The following SETD3 variants were observed in gnomAD, a reference collection of about 807,000 sequenced individuals.
The protein encoded by SETD3 is actin-histidine N-methyltransferase.
SETD3 carries 19 observed loss-of-function variants against 63.0 expected under a neutral mutation model. That is an observed-to-expected ratio of 0.30 (90% CI 0.21 to 0.44). SETD3 has a LOEUF of 0.44. SETD3 is among the 20% of genes least tolerant of loss of function. SETD3 has a pLI of 1.00. For synonymous variants in SETD3, 286 were observed against 264.1 expected, an observed-to-expected ratio of 1.08 and a Z score of -0.80; for missense variants, 587 against 728.5, an observed-to-expected ratio of 0.81 and a Z score of 2.24.
At chr14:99,476,155 G>A (rs927367269) in intron 1 of SETD3, among the ~76,000 whole-genome samples, 2 of 152,154 alleles carry the variant, frequency 1.3e-5, no homozygotes, top group South Asian at 2.1e-4. Context: ...GAAAGCTGAC[G>A]CTTACGGAGA....
intron 9 of SETD3, 45 bp from the exon 10 acceptor site, chr14:99,405,416 G>A: frequency 6.3e-7 from 1 of 1,589,668 alleles, no homozygotes; most frequent in Non-Finnish European, 8.6e-7. Flanking sequence ...AGACAAACTT[G>A]GCATGTATTC....
intron 6 of SETD3, among the ~76,000 whole-genome samples, chr14:99,438,448 C>G (rs1893611367): frequency 6.6e-6 from 1 of 152,206 alleles, no homozygotes; most frequent in African/African-American, 2.4e-5. Context: ...TTAGAATAAG[C>G]TAGGAATTTA....
At chr14:99,474,443 C>T (rs528353566) in intron 1 of SETD3, among the ~76,000 whole-genome samples, 2 of 152,324 alleles carry the variant, frequency 1.3e-5, no homozygotes, top group East Asian at 3.9e-4. Flanking sequence ...TCAGTAACTA[C>T]TTAAGTACCA....
rs764952661 is a variant in SETD3, at chr14:99,461,354, C to T, written c.197-14G>A. On this transcript the variant is annotated splice_polypyrimidine_tract_variant and intron_variant, in intron 3 of 12. Transcript: ENST00000331768. ...TAACGGACAGACCTATATTAATCCA[C>T]GTTTTAGAAAACAAGAGCTACTTTT... is the stretch of plus-strand genomic sequence containing the variant. The T allele has an allele frequency of 5.6e-6, 9 of 1,604,532 alleles. No homozygotes were observed. Among genetic ancestry groups the T allele is most frequent in the South Asian group, 3.4e-5 (3 of 88,888 alleles).
chr14:99,461,072 G>T, intron 4 of SETD3, 120 bp downstream of exon 4: 1 of 1,223,696 alleles, frequency 8.2e-7, no homozygotes, highest in Non-Finnish European at 1.1e-6. Flanking sequence ...CTGCCTATCT[G>T]CCCACAGGCT....
chr14:99,425,979 G>A (rs1231687127), intron 6 of SETD3, among the ~76,000 whole-genome samples: 1 of 152,052 alleles, frequency 6.6e-6, no homozygotes, highest in Non-Finnish European at 1.5e-5. Flanking sequence ...ACAAGCTGTT[G>A]TATTAACCTA....
In SETD3 at chr14:99,466,885, G is replaced by A. The variant is rs116274548; in HGVS notation, c.-8-1072C>T. The stretch of plus-strand genomic sequence containing the variant: ...AAGCTAATGAATAACAAACCACCAC[G>A]AGGATGGCCTCCAGGAGCCCCAGTC... On this transcript the variant is annotated intron_variant, in intron 1 of 12. Coordinates refer to ENST00000331768, the MANE Select transcript of SETD3 (RefSeq NM_032233.3). 4.7e-3 allele frequency among the ~76,000 whole-genome samples: 718 copies of A among 152,310 alleles called. 4 individuals carry two copies. Among genetic ancestry groups the A allele is most frequent in the African/African-American group, 0.016 (680 of 41,560 alleles).
intron 6 of SETD3, among the ~76,000 whole-genome samples, chr14:99,434,912 A>T (rs886398462): frequency 6.6e-6 from 1 of 150,848 alleles, no homozygotes; most frequent in East Asian, 2.0e-4. Flanking sequence ...TTCATTATGT[A>T]CAAGTTAAAT....
Position 99,399,256 on chromosome 14 carries a change from G to C in SETD3, c.1339-131C>G, listed in dbSNP as rs1891250310. 9.0e-6 allele frequency: 6 copies of C among 667,674 alleles called. No homozygotes were observed. In the African/African-American group the frequency reaches 1.1e-4, roughly 12 times the overall value. 41.4% of individuals were successfully genotyped at this position (667,674 alleles called of 1,614,324 possible). ...TGACGGGAGGTTCTAACACTTGACT[G>C]GGCAGGTGGTCGCATGACCAGACAC... On this transcript the variant is annotated intron_variant, in intron 12 of 12. Transcript: ENST00000331768.
chr14:99,429,760 G>A (rs1354218703), intron 6 of SETD3, among the ~76,000 whole-genome samples: 3 of 152,276 alleles, frequency 2.0e-5, no homozygotes, highest in African/African-American at 7.2e-5. Context: ...GTCTTGAACA[G>A]AAGCAAATCC....
Position 99,405,305 on chromosome 14 carries a change from T to C in SETD3, c.991A>G (p.Asn331Asp). 1 of 1,614,170 alleles carries C rather than the reference T, an allele frequency of 6.2e-7. No individual in the cohort carries two copies. Among genetic ancestry groups the C allele is most frequent in the South Asian group, 1.1e-5 (1 of 91,066 alleles). ...FVIHSGFFFDNNSHDRVKIKL... is the reference protein window; with the variant it reads ...FVIHSGFFFDDNSHDRVKIKL... ...ATTTTCACTCTGTCGTGTGAGTTAT[T>C]GTCAAAGAAAAAACCACTGTGGATC... The change falls in exon 10 of 13, where the codon AAT becomes GAT. Residue 331 changes from asparagine to aspartate, a missense_variant. By Grantham distance (23) the Asn-to-Asp change is conservative. Transcript: ENST00000331768.
chr14:99,470,942 C>T (rs1011526710), intron 1 of SETD3, among the ~76,000 whole-genome samples: 1 of 152,212 alleles, frequency 6.6e-6, no homozygotes, highest in Admixed American at 6.5e-5. Flanking sequence ...CATTCCCTGA[C>T]ATACACACTC....
chr14:99,477,643 G>T (rs1423287355), intron 1 of SETD3, among the ~76,000 whole-genome samples: 2 of 150,786 alleles, frequency 1.3e-5, no homozygotes, highest in Non-Finnish European at 2.9e-5. Flanking sequence ...AATCCCAGCT[G>T]CTCAGAGGCT....
At chr14:99,480,201 G>C (rs1006587298) in intron 1 of SETD3, among the ~76,000 whole-genome samples, 1 of 152,168 alleles carries the variant, frequency 6.6e-6, no homozygotes, top group Admixed American at 6.5e-5. Flanking sequence ...AACTCGCAGA[G>C]AGGAACATAA....
intron 6 of SETD3, among the ~76,000 whole-genome samples, chr14:99,455,991 C>CA (rs1393127967): frequency 1.3e-5 from 2 of 152,216 alleles, no homozygotes; most frequent in African/African-American, 4.8e-5. Context: ...TCCATCTCTA[C>CA]AAAAAATACG....
At position 99,406,552 on chromosome 14, in the gene SETD3, C is replaced by T. The variant is rs745725733; in HGVS notation, c.888G>A (p.Glu296=). The change falls in exon 9 of 13, where the codon GAG becomes GAA. Residue 296 remains glutamate (E), a synonymous_variant. Coordinates refer to ENST00000331768, the MANE Select transcript of SETD3 (RefSeq NM_032233.3). ...CCCGAAAATCCTGCAGAGCCACACA[C>T]TCACAGCGGTCATCTTCCAGGTTGT... ...TGYNLEDDRC[E]CVALQDFRAG... is the part of the protein sequence containing the mutation. The T allele has an allele frequency of 3.1e-6, 5 of 1,614,106 alleles. No homozygotes were observed. The highest frequency in any genetic ancestry group is 4.5e-5 in the East Asian group (2 of 44,894).
chr14:99,399,746 T>TAA (rs1891283646), intron 12 of SETD3, among the ~76,000 whole-genome samples: 8 of 133,252 alleles, frequency 6.0e-5, no homozygotes, highest in South Asian at 2.7e-4. Context: ...ATTAAATTTT[T>TAA]TTTTTTTTTT....
chr14:99,458,632 T>C lies in SETD3; in HGVS notation c.419-97A>G, dbSNP rs1595248649. ...CAAATTACAGAAAAACTAAAAGGTC[T>C]TGTAACATTTAAAGTCAGGTACAGG... On this transcript the variant is annotated intron_variant, in intron 5 of 12. Transcript: ENST00000331768. 4.2e-6 allele frequency: 6 copies of C among 1,414,700 alleles called. No homozygotes were observed. The East Asian group carries it at 1.5e-4, about 36-fold the overall frequency. 87.6% of individuals were successfully genotyped at this position (1,414,700 alleles called of 1,614,324 possible). A position where few individuals can be genotyped will look rare whatever the true frequency, so the allele number is the denominator to read the frequency against.
At chr14:99,432,223 G>C (rs1023619664) in intron 6 of SETD3, among the ~76,000 whole-genome samples, 2 of 152,044 alleles carry the variant, frequency 1.3e-5, no homozygotes, top group Non-Finnish European at 2.9e-5. Flanking sequence ...AGTTAATCAC[G>C]GCACTGAGTG....
Sources: gnomAD v4.1 joint callset for allele counts (sites outside exome capture counted in the v4.1 genomes callset) on GRCh38, gnomAD v4.1.1 for gene constraint, MANE v1.5 for transcripts, NCBI Gene and HGNC (gene_info 2026-07-23, HGNC 2026-07-21) for gene names.